The following SLC22A3 variants were observed in gnomAD, a reference collection of about 807,000 sequenced individuals.
SLC22A3 encodes the protein solute carrier family 22 member 3.
A neutral mutation model predicts 59.1 loss-of-function variants in SLC22A3; 51 were observed. The observed-to-expected ratio is 0.86, with a 90% CI of 0.69 to 1.09. The LOEUF (loss-of-function observed/expected upper bound fraction) is 1.09. Ranked by LOEUF, SLC22A3 falls within the 50% of genes least tolerant of loss-of-function variation. The pLI is 0.00. For synonymous variants in SLC22A3, 325 were observed against 292.0 expected (o/e 1.11, Z -1.15); for missense variants, 711 against 726.3 (o/e 0.98, Z 0.24).
rs150698479 is a variant in SLC22A3 at position 160,450,708 on chromosome 6, T to C, written c.1611-288T>C. ...CATAAGAAATTATAAAAGTATTAAT[T>C]TGGGGAACTGATAAATGTCCATATC... On this transcript the variant is annotated intron_variant, in intron 10 of 10. Transcript: ENST00000275300. 1.6e-3 allele frequency among the ~76,000 whole-genome samples: 242 copies of C among 152,310 alleles called. 2 individuals carry two copies. The highest frequency in any genetic ancestry group is 0.015 in the East Asian group (76 of 5,180).
intron 1 of SLC22A3, among the ~76,000 whole-genome samples, chr6:160,361,370 A>T (rs28482109): frequency 3.9e-5 from 6 of 152,262 alleles, no homozygotes; most frequent in African/African-American, 1.2e-4. Context: ...AAAATGGATT[A>T]TCTAGATTAT....
intron 1 of SLC22A3, among the ~76,000 whole-genome samples, chr6:160,397,638 G>A (rs1786538803): frequency 6.6e-6 from 1 of 151,266 alleles, no homozygotes; most frequent in African/African-American, 2.4e-5. Context: ...GGAGGCTGAG[G>A]CAGGAGAATC....
intron 5 of SLC22A3, among the ~76,000 whole-genome samples, chr6:160,413,600 T>C (rs1335759820): frequency 2.6e-5 from 4 of 152,220 alleles, no homozygotes; most frequent in African/African-American, 9.6e-5. Context: ...TGGAACTATG[T>C]GTGCACTATC....
intron 6 of SLC22A3, 52 bp from the exon 7 acceptor site, chr6:160,436,945 A>G: frequency 6.2e-7 from 1 of 1,609,322 alleles, no homozygotes; most frequent in Non-Finnish European, 8.5e-7. Context: ...CCTTCAAATC[A>G]GCTTGAAGTT....
chr6:160,407,036 A>G lies in SLC22A3; in HGVS notation c.534-5A>G. 6.2e-7 allele frequency: 1 copy of G among 1,612,958 alleles called. No homozygotes were observed. The highest frequency in any genetic ancestry group is 8.5e-7 in the Non-Finnish European group (1 of 1,179,422). On this transcript the variant is annotated splice_polypyrimidine_tract_variant and splice_region_variant and intron_variant, in intron 2 of 10. Transcript: ENST00000275300. ...GTGAGCTCTTTTCCTGTCTTTCTCAAAAAGGTATGGCAGGATCGTCATTTA... is the reference window on the plus strand; with the variant it reads ...GTGAGCTCTTTTCCTGTCTTTCTCAGAAAGGTATGGCAGGATCGTCATTTA...
At chr6:160,383,245 T>G (rs116196050) in intron 1 of SLC22A3, among the ~76,000 whole-genome samples, 3,309 of 152,356 alleles carry the variant, frequency 0.022, 100 homozygotes, top group African/African-American at 0.066. Context: ...TTTTCACATT[T>G]TAAATTATTT....
At chr6:160,445,968 T>C (rs1399620911) in intron 9 of SLC22A3, among the ~76,000 whole-genome samples, 1 of 151,994 alleles carries the variant, frequency 6.6e-6, no homozygotes, top group Non-Finnish European at 1.5e-5. Flanking sequence ...CAGTAGAGAA[T>C]GGTTGAAGCT....
chr6:160,402,679 T>TA (rs1779501706), intron 2 of SLC22A3, among the ~76,000 whole-genome samples: 1 of 151,576 alleles, frequency 6.6e-6, no homozygotes. Flanking sequence ...TTTGAAGAAA[T>TA]AAAAATTATA....
chr6:160,421,909 T>C (rs1787754343), intron 5 of SLC22A3, among the ~76,000 whole-genome samples: 1 of 152,230 alleles, frequency 6.6e-6, no homozygotes, highest in Non-Finnish European at 1.5e-5. Flanking sequence ...TCTTGTGTTT[T>C]CAGCAAAACC....
intron 1 of SLC22A3, among the ~76,000 whole-genome samples, chr6:160,360,987 T>C (rs1784996225): frequency 6.6e-6 from 1 of 152,206 alleles, no homozygotes; most frequent in Non-Finnish European, 1.5e-5. Context: ...GAGGGCTTCC[T>C]CTACCAGAAA....
In SLC22A3 at chr6:160,432,432, AT is replaced by A. The variant is rs35059975; in HGVS notation, c.976-4332del. On this transcript the variant is annotated intron_variant, in intron 5 of 10. Coordinates refer to ENST00000275300, the MANE Select transcript of SLC22A3 (RefSeq NM_021977.4). ...TTGTTACAAAAATAATGTAGGCTTAATTTTTTTTTTTTTTTTGAGACGGAGT... is the reference window on the plus strand; with the variant it reads ...TTGTTACAAAAATAATGTAGGCTTAATTTTTTTTTTTTTTTGAGACGGAGT... Among the ~76,000 whole-genome samples the A allele has an allele frequency of 6.4e-3, 897 of 140,968 alleles. 3 individuals are homozygous for A. The highest frequency in any genetic ancestry group is 0.018 in the African/African-American group (688 of 38,194). The allele number at this position is 140,968 out of a possible 152,430, so 92.5% of individuals were successfully genotyped here. A position where few individuals can be genotyped will look rare whatever the true frequency, so the allele number is the denominator to read the frequency against.
intron 5 of SLC22A3, among the ~76,000 whole-genome samples, chr6:160,434,064 C>T (rs1028933224): frequency 1.3e-5 from 2 of 152,126 alleles, no homozygotes; most frequent in African/African-American, 2.4e-5. Context: ...TGACACTGCC[C>T]GGCAGCCCCA....
At chr6:160,445,409 T>A (rs1441015427) in intron 9 of SLC22A3, among the ~76,000 whole-genome samples, 2 of 152,186 alleles carry the variant, frequency 1.3e-5, no homozygotes, top group Admixed American at 1.3e-4. Flanking sequence ...CTCAAGGACA[T>A]GCCAAGGCTT....
chr6:160,441,568 C>G (rs1272560859), intron 7 of SLC22A3, among the ~76,000 whole-genome samples: 1 of 151,038 alleles, frequency 6.6e-6, no homozygotes, highest in Non-Finnish European at 1.5e-5. Flanking sequence ...TTCCTTACAC[C>G]TGTGCTCCTG....
intron 5 of SLC22A3, among the ~76,000 whole-genome samples, chr6:160,421,009 C>T (rs535021094): frequency 1.5e-4 from 23 of 152,320 alleles, no homozygotes; most frequent in Non-Finnish European, 2.6e-4. Context: ...GGTCCTGAGT[C>T]CTTGCCCATT....
chr6:160,349,076 T>C, intron 1 of SLC22A3: 1 of 985,408 alleles, frequency 1.0e-6, no homozygotes, highest in Non-Finnish European at 1.2e-6. Flanking sequence ...AATGCACAGA[T>C]ACTTTGGTTT....
intron 1 of SLC22A3, among the ~76,000 whole-genome samples, chr6:160,379,253 ATC>A: frequency 6.6e-6 from 1 of 152,242 alleles, no homozygotes; most frequent in East Asian, 1.9e-4. Flanking sequence ...CTTTTCCTCT[ATC>A]TGTTTTGCTC....
chr6:160,403,775 C>T (rs945040634), intron 2 of SLC22A3, among the ~76,000 whole-genome samples: 35 of 42,652 alleles, frequency 8.2e-4, no homozygotes, highest in Admixed American at 5.2e-3. Flanking sequence ...CAATTAATGT[C>T]ATCCATCAAT....
chr6:160,375,728 T>A (rs1361547913), intron 1 of SLC22A3, among the ~76,000 whole-genome samples: 1 of 152,226 alleles, frequency 6.6e-6, no homozygotes, highest in East Asian at 1.9e-4. Flanking sequence ...TATATTTACC[T>A]AAGTACAAGT....
Sources: allele counts gnomAD v4.1 joint callset (sites outside exome capture counted in the v4.1 genomes callset), GRCh38; gene constraint gnomAD v4.1.1; transcripts MANE v1.5; gene names NCBI Gene and HGNC (gene_info 2026-07-23, HGNC 2026-07-21).